The following CCDC144A variants were observed in gnomAD, a reference collection of about 807,000 sequenced individuals.
CCDC144A encodes the protein coiled-coil domain containing 144A.
A neutral mutation model predicts 143.8 loss-of-function variants in CCDC144A; 41 were observed. That is an observed-to-expected ratio of 0.29 (90% CI 0.22 to 0.37). The LOEUF (loss-of-function observed/expected upper bound fraction) is 0.37. CCDC144A is among the 10% of genes least tolerant of loss of function. The pLI is 1.00. For missense variants in CCDC144A, 637 were observed against 1,488.8 expected (o/e 0.43, Z 9.41); for synonymous variants, 242 against 517.9 (o/e 0.47, Z 7.23).
intron 11 of CCDC144A, 95 bp downstream of exon 11, chr17:16,732,761 A>C: frequency 1.2e-6 from 1 of 830,544 alleles, no homozygotes; most frequent in Non-Finnish European, 1.8e-6. Flanking sequence ...TGGATTTTTG[A>C]ACTACACACA....
At position 16,735,026 on chromosome 17, in the gene CCDC144A, A is replaced by C. The variant is rs1308219518; in HGVS notation, c.2755A>C (p.Arg919=). The change falls in exon 12 of 17, where the codon AGA becomes CGA. Residue 919 remains arginine (R), a synonymous_variant. Coordinates refer to ENST00000399273, the MANE Select transcript of CCDC144A (RefSeq NM_001382000.1). ...AATAGAAATGGAATCATACCGTTGTAGACTAGCTGCTGCTGTACGTGACTG... is the reference window on the plus strand; with the variant it reads ...AATAGAAATGGAATCATACCGTTGTCGACTAGCTGCTGCTGTACGTGACTG... ...LEIEMESYRC[R]LAAAVRDCDQ... is the part of the protein sequence containing the mutation. The C allele has an allele frequency of 6.2e-7, 1 of 1,612,240 alleles. No homozygotes were observed. Among genetic ancestry groups the C allele is most frequent in the East Asian group, 2.2e-5 (1 of 44,866 alleles).
intron 12 of CCDC144A, among the ~76,000 whole-genome samples, chr17:16,737,281 C>T (rs1281057380): frequency 2.7e-5 from 4 of 149,202 alleles, no homozygotes; most frequent in Non-Finnish European, 6.0e-5. Flanking sequence ...ATTCTCCTGC[C>T]TCAGCCTCCC....
At chr17:16,701,123 G>A (rs1001556587) in intron 2 of CCDC144A, among the ~76,000 whole-genome samples, 3 of 151,980 alleles carry the variant, frequency 2.0e-5, no homozygotes, top group Non-Finnish European at 2.9e-5. Flanking sequence ...AATTTTCAAG[G>A]TGACTCTGTC....
At chr17:16,715,276 G>A (rs1218110010) in intron 6 of CCDC144A, among the ~76,000 whole-genome samples, 1 of 149,618 alleles carries the variant, frequency 6.7e-6, no homozygotes, top group East Asian at 1.9e-4. Flanking sequence ...TTACCCTTCG[G>A]TGTATTGTTT....
At chr17:16,706,377 G>C (rs1912060995) in intron 3 of CCDC144A, 1 of 143,164 alleles carries the variant, frequency 7.0e-6, no homozygotes, top group Non-Finnish European at 1.5e-5. Context: ...AAAGTTGTAC[G>C]TAAGGCTTTC....
the CCDC144A span, chr17:16,683,567 G>A: frequency 1.2e-6 from 2 of 1,605,150 alleles, no homozygotes; most frequent in Non-Finnish European, 1.7e-6. Flanking sequence ...CCGGGAATGA[G>A]TGCAAAGCAC....
intron 15 of CCDC144A, among the ~76,000 whole-genome samples, chr17:16,768,048 C>T (rs779745045): frequency 7.4e-4 from 112 of 152,248 alleles, no homozygotes; most frequent in Admixed American, 2.2e-3. Flanking sequence ...GCTTATATAC[C>T]TTCTAAGCTA....
intron 8 of CCDC144A, among the ~76,000 whole-genome samples, chr17:16,722,316 T>G (rs1170869437): frequency 6.6e-6 from 1 of 152,184 alleles, no homozygotes; most frequent in Non-Finnish European, 1.5e-5. Flanking sequence ...AATGTATCAT[T>G]GGATTTGATT....
chr17:16,685,005 T>C (rs1266698490), upstream of CCDC144A, among the ~76,000 whole-genome samples: 1 of 152,210 alleles, frequency 6.6e-6, no homozygotes, highest in Non-Finnish European at 1.5e-5. Flanking sequence ...ATTTGATTCT[T>C]TTCCTTATCA....
At chr17:16,759,179 G>A (rs1246655560) in intron 12 of CCDC144A, among the ~76,000 whole-genome samples, 4 of 152,168 alleles carry the variant, frequency 2.6e-5, no homozygotes, top group African/African-American at 4.8e-5. Flanking sequence ...TTTATGTCTG[G>A]ATGGCATTTG....
At position 16,764,305 on chromosome 17, in the gene CCDC144A, G is replaced by A. The variant is rs535180525; in HGVS notation, c.4098+130G>A. 18 of 1,476,138 alleles carry A rather than the reference G, an allele frequency of 1.2e-5. No homozygotes were observed. The African/African-American group carries it at 1.9e-4, about 15-fold the overall frequency. 91.4% of individuals were successfully genotyped at this position (1,476,138 alleles called of 1,614,324 possible). ...ATAATTACCTGTGTTAATAAAGAGA[G>A]GAGACAGAAATTTTACCGTTATTTT... On this transcript the variant is annotated intron_variant, in intron 15 of 16. Coordinates refer to ENST00000399273, the MANE Select transcript of CCDC144A (RefSeq NM_001382000.1).
At chr17:16,728,040 G>A (rs1913516848) in intron 9 of CCDC144A, 1 of 310,100 alleles carries the variant, frequency 3.2e-6, no homozygotes, top group South Asian at 2.8e-5. Context: ...ATGATGTAAG[G>A]AACATCTTTT....
At chr17:16,764,269 A>G (rs1460643747) in intron 15 of CCDC144A, 94 bp downstream of exon 15, 1 of 1,536,714 alleles carries the variant, frequency 6.5e-7, no homozygotes, top group African/African-American at 1.4e-5. Context: ...TGTGTATGGT[A>G]AGTAAAAGTA....
chr17:16,673,315 C>T, the CCDC144A span, among the ~76,000 whole-genome samples: 8 of 151,888 alleles, frequency 5.3e-5, no homozygotes, highest in Admixed American at 1.3e-4. Context: ...CCATAATATC[C>T]CCCCAAAAGT....
In CCDC144A at chr17:16,777,644, T is replaced by C. The variant is rs1388156837; in HGVS notation, c.*4011T>C. 7.3e-6 allele frequency: 1 copy of C among 136,654 alleles called. No individual in the cohort carries two copies. The highest frequency in any genetic ancestry group is 1.5e-5 in the Non-Finnish European group (1 of 65,914). The allele number at this position is 136,654 out of a possible 1,614,324, so 8.5% of individuals were successfully genotyped here. A position where few individuals can be genotyped will look rare whatever the true frequency, so the allele number is the denominator to read the frequency against. ...TCAACAATGATATCAAGAGGGAAAT[T>C]TAAAAATTCTTTGAACTGAACGATA... On this transcript the variant is annotated 3_prime_UTR_variant, in exon 17 of 17. Transcript: ENST00000399273.
chr17:16,751,935 C>A (rs1395695777), intron 12 of CCDC144A, among the ~76,000 whole-genome samples: 1 of 152,194 alleles, frequency 6.6e-6, no homozygotes, highest in African/African-American at 2.4e-5. Flanking sequence ...TAGTTTTGTC[C>A]CCCAGCCTTC....
intron 5 of CCDC144A, among the ~76,000 whole-genome samples, chr17:16,711,136 GAA>G (rs1210697273): frequency 0.016 from 343 of 21,766 alleles, 6 homozygotes; most frequent in African/African-American, 0.056. Flanking sequence ...GGATTCAAAT[GAA>G]AAAAAAAAAA....
At chr17:16,759,645 G>A (rs1364676000) in intron 12 of CCDC144A, among the ~76,000 whole-genome samples, 1 of 151,414 alleles carries the variant, frequency 6.6e-6, no homozygotes, top group South Asian at 2.1e-4. Context: ...GGACCATCAG[G>A]CTTCCACTAA....
At chr17:16,729,456 T>C (rs1340701999) in intron 9 of CCDC144A, among the ~76,000 whole-genome samples, 13 of 152,218 alleles carry the variant, frequency 8.5e-5, no homozygotes, top group Non-Finnish European at 1.9e-4. Flanking sequence ...TTCTTGCTGA[T>C]TTGTTTGTCC....
Sources: gnomAD v4.1 joint callset for allele counts (sites outside exome capture counted in the v4.1 genomes callset) on GRCh38, gnomAD v4.1.1 for gene constraint, MANE v1.5 for transcripts, NCBI Gene and HGNC (gene_info 2026-07-23, HGNC 2026-07-21) for gene names.